PACRGL: variants seen among roughly 807,000 people sequenced by gnomAD.
PACRGL encodes the protein PACRG-like protein.
PACRGL carries 38 observed loss-of-function variants against 34.5 expected under a neutral mutation model. The ratio of observed to expected loss-of-function variants is 1.10; its 90% confidence interval spans 0.85 to 1.44. PACRGL has a LOEUF of 1.44. PACRGL is among the 40% of genes most tolerant of loss of function. The probability of loss-of-function intolerance (pLI) is 0.00; values close to 1 mark genes in which losing one functional copy is unlikely to be tolerated. For synonymous variants in PACRGL, 128 were observed against 100.1 expected, an observed-to-expected ratio of 1.28 and a Z score of -1.66; for missense variants, 305 against 281.4, an observed-to-expected ratio of 1.08 and a Z score of -0.60.
At chr4:20,717,309 T>A (rs1740593575) in intron 7 of PACRGL, among the ~76,000 whole-genome samples, 2 of 152,220 alleles carry the variant, frequency 1.3e-5, no homozygotes, top group African/African-American at 4.8e-5. Flanking sequence ...TGGTAGTTTC[T>A]TTTGCTGTGC....
upstream of PACRGL, among the ~76,000 whole-genome samples, chr4:20,698,517 C>T (rs1731339453): frequency 6.6e-6 from 1 of 152,162 alleles, no homozygotes; most frequent in South Asian, 2.1e-4. Flanking sequence ...ATGAGCAGAT[C>T]CAACAGCATG....
rs1440974217 is a variant in PACRGL at position 20,709,663 on chromosome 4, CACTA to C, written c.276-16_276-13del. On this transcript the variant is annotated splice_polypyrimidine_tract_variant and intron_variant, in intron 4 of 8. Transcript: ENST00000503585. The stretch of plus-strand genomic sequence containing the variant: ...AGAATTATATTTTTCTTGTTGCATT[CACTA>C]ACTTTTATATTTTAGATTGGTACAT... 2.0e-6 allele frequency: 3 copies of C among 1,478,430 alleles called. No individual in the cohort carries two copies. Among genetic ancestry groups the C allele is most frequent in the East Asian group, 2.3e-5 (1 of 43,876 alleles). The allele number at this position is 1,478,430 out of a possible 1,614,324, so 91.6% of individuals were successfully genotyped here. A position where few individuals can be genotyped will look rare whatever the true frequency, so the allele number is the denominator to read the frequency against.
At position 20,701,820 on chromosome 4, in the gene PACRGL, G is replaced by A. The variant is rs146940264; in HGVS notation, c.-17+1033G>A. 1.8e-3 allele frequency: 822 copies of A among 456,452 alleles called. 5 individuals carry two copies. The highest frequency in any genetic ancestry group is 0.015 in the African/African-American group (766 of 50,148). The allele number at this position is 456,452 out of a possible 1,614,324, so 28.3% of individuals were successfully genotyped here. ...CTCCAGTCTGCTCTCCGTATCCGTG[G>A]TTGGGTCAAATCTATAGATGTGGAA... On this transcript the variant is annotated intron_variant, in intron 1 of 8. Transcript: ENST00000503585.
chr4:20,751,204 A>C (rs998443780), intron 8 of PACRGL, among the ~76,000 whole-genome samples: 4 of 152,232 alleles, frequency 2.6e-5, no homozygotes, highest in African/African-American at 7.2e-5. Flanking sequence ...CTTTGAACAC[A>C]GGAATTACCA....
intron 7 of PACRGL, among the ~76,000 whole-genome samples, chr4:20,722,914 A>G (rs565724283): frequency 1.3e-5 from 2 of 152,282 alleles, no homozygotes; most frequent in South Asian, 2.1e-4. Context: ...TATGATTTTG[A>G]TAATGGTTCC....
chr4:20,741,397 A>G (rs924428491), intron 8 of PACRGL, among the ~76,000 whole-genome samples: 2 of 152,266 alleles, frequency 1.3e-5, no homozygotes, highest in African/African-American at 4.8e-5. Flanking sequence ...CAATCAAATT[A>G]AAACTCAAGA....
intron 3 of PACRGL, 135 bp downstream of exon 3, chr4:20,704,949 A>AT (rs1560291863): frequency 1.0e-6 from 1 of 986,060 alleles, no homozygotes; most frequent in African/African-American, 1.6e-5. Context: ...GCATGTGGTT[A>AT]TTATGATGAA....
At chr4:20,742,948 T>G (rs949361030) in intron 8 of PACRGL, among the ~76,000 whole-genome samples, 31 of 151,806 alleles carry the variant, frequency 2.0e-4, no homozygotes, top group African/African-American at 7.3e-4. Context: ...AAATCATGAG[T>G]GAACTCCCAT....
At chr4:20,763,823 G>T in the PACRGL span, among the ~76,000 whole-genome samples, 2 of 152,290 alleles carry the variant, frequency 1.3e-5, no homozygotes, top group African/African-American at 4.8e-5. Context: ...CTGCCAAAGT[G>T]CTGGGATTAC....
chr4:20,729,911 A>ATAAC lies in PACRGL; in HGVS notation c.*2572_*2575dup, dbSNP rs774060648. 6.0e-6 allele frequency: 4 copies of ATAAC among 668,874 alleles called. No homozygotes were observed. Among genetic ancestry groups the ATAAC allele is most frequent in the Non-Finnish European group, 6.8e-6 (3 of 441,256 alleles). The allele number at this position is 668,874 out of a possible 1,614,324, so 41.4% of individuals were successfully genotyped here. Reference sequence around the variant, plus strand: ...GGCATTATGAAAAGGATGCAAATTTATAACTGAAAGCTCAAATCTTTTGGG... The same window carrying ATAAC: ...GGCATTATGAAAAGGATGCAAATTTATAACTAACTGAAAGCTCAAATCTTTTGGG... On this transcript the variant is annotated 3_prime_UTR_variant, in exon 9 of 9. Transcript: ENST00000503585.
At chr4:20,742,155 G>T (rs1411976960) in intron 8 of PACRGL, among the ~76,000 whole-genome samples, 1 of 152,140 alleles carries the variant, frequency 6.6e-6, no homozygotes, top group Admixed American at 6.5e-5. Context: ...AGAGGAGCTG[G>T]TACCATTTCT....
rs1274442799 is a variant in PACRGL at position 20,730,072 on chromosome 4, A to ATTTGACAAGTTAAATCACAT, written c.*2735_*2754dup. On this transcript the variant is annotated 3_prime_UTR_variant, in exon 9 of 9. Transcript: ENST00000503585. Reference sequence around the variant, plus strand: ...CATTTGTCTGTTGGATTCAGGATCTATTTGACAAGTTAAATCACATTTTCA... The same window carrying ATTTGACAAGTTAAATCACAT: ...CATTTGTCTGTTGGATTCAGGATCTATTTGACAAGTTAAATCACATTTTGACAAGTTAAATCACATTTTCA... 6.2e-7 allele frequency: 1 copy of ATTTGACAAGTTAAATCACAT among 1,606,910 alleles called. No individual in the cohort carries two copies. Among genetic ancestry groups the ATTTGACAAGTTAAATCACAT allele is most frequent in the East Asian group, 2.2e-5 (1 of 44,616 alleles).
At chr4:20,718,886 G>T (rs983751578) in intron 7 of PACRGL, 1 of 152,170 alleles carries the variant, frequency 6.6e-6, no homozygotes, top group African/African-American at 2.4e-5. Flanking sequence ...CTATTGATTG[G>T]AATAGTTTCA....
chr4:20,703,477 A>AGTGTGTGT (rs34932810), intron 1 of PACRGL, among the ~76,000 whole-genome samples: 1,783 of 141,538 alleles, frequency 0.013, 25 homozygotes, highest in African/African-American at 0.04. Context: ...TGGGTATATG[A>AGTGTGTGT]GTGTGTGTGT....
chr4:20,732,810 G>T, downstream of PACRGL: 1 of 1,340,456 alleles, frequency 7.5e-7, no homozygotes, highest in Non-Finnish European at 1.1e-6. Flanking sequence ...GCACTCACGT[G>T]AGGCTGCACA....
chr4:20,712,381 T>TA lies in PACRGL; in HGVS notation c.367-398dup, dbSNP rs202173174. On this transcript the variant is annotated intron_variant, in intron 5 of 8. Transcript: ENST00000503585. ...TTAACTAGCTGCAGATCGAAACTAT[T>TA]AAAAAAAAATACAATGCAAAAATAA... Among the ~76,000 whole-genome samples, 366 of 150,488 alleles carry TA rather than the reference T, an allele frequency of 2.4e-3. 8 individuals are homozygous for TA. In the South Asian group the frequency reaches 0.047, roughly 19 times the overall value.
At position 20,729,184 on chromosome 4, in the gene PACRGL, T is replaced by C. The variant is rs1319607303; in HGVS notation, c.*1843T>C. ...GAAGTCAGGGGAAAGAGGACAGATT[T>C]GGCCTTTAATGCTGTTAGGATTACT... On this transcript the variant is annotated 3_prime_UTR_variant, in exon 9 of 9. Transcript: ENST00000503585. The C allele has an allele frequency of 1.3e-5, 2 of 151,918 alleles. No homozygotes were observed. Among genetic ancestry groups the C allele is most frequent in the African/African-American group, 2.4e-5 (1 of 41,386 alleles). 9.4% of individuals were successfully genotyped at this position (151,918 alleles called of 1,614,324 possible).
intron 8 of PACRGL, among the ~76,000 whole-genome samples, chr4:20,726,372 A>G (rs902859900): frequency 1.6e-4 from 24 of 152,026 alleles, no homozygotes; most frequent in African/African-American, 5.8e-4. Context: ...GGCTGTTATT[A>G]TTTATTTTCT....
chr4:20,750,253 T>A (rs933877613), intron 8 of PACRGL, among the ~76,000 whole-genome samples: 4 of 152,206 alleles, frequency 2.6e-5, no homozygotes, highest in Non-Finnish European at 5.9e-5. Flanking sequence ...GGAGTAAATC[T>A]GGGACATGAA....
Sources: allele counts gnomAD v4.1 joint callset (sites outside exome capture counted in the v4.1 genomes callset), GRCh38; gene constraint gnomAD v4.1.1; transcripts MANE v1.5; gene names NCBI Gene and HGNC (gene_info 2026-07-23, HGNC 2026-07-21).